The following EFCAB6 variants were observed in gnomAD, a reference collection of about 807,000 sequenced individuals.
EFCAB6 encodes EF-hand calcium-binding domain-containing protein 6.
EFCAB6 carries 156 observed loss-of-function variants against 169.8 expected under a neutral mutation model. The observed-to-expected ratio is 0.92, with a 90% CI of 0.81 to 1.05. The LOEUF is 1.05. Among genes scored for constraint, EFCAB6 ranks in the 50% least tolerant of loss-of-function variants. EFCAB6 has a pLI of 0.00. For missense variants in EFCAB6, 1,800 were observed against 1,829.1 expected (o/e 0.98, Z 0.29); for synonymous variants, 698 against 676.4 (o/e 1.03, Z -0.50).
chr22:43,575,358 G>GTTTT (rs34543550), intron 26 of EFCAB6, among the ~76,000 whole-genome samples: 5 of 104,834 alleles, frequency 4.8e-5, no homozygotes, highest in Admixed American at 1.1e-4. Context: ...ATCCGGCTAT[G>GTTTT]TTTTTTTTTT....
At chr22:43,718,024 T>A (rs1274820647) in intron 8 of EFCAB6, among the ~76,000 whole-genome samples, 1 of 146,982 alleles carries the variant, frequency 6.8e-6, no homozygotes, top group Non-Finnish European at 1.5e-5. Flanking sequence ...TTTTAACACT[T>A]ATTTTGTATA....
intron 2 of EFCAB6, among the ~76,000 whole-genome samples, chr22:43,784,062 T>C (rs1330150726): frequency 7.9e-5 from 12 of 152,074 alleles, no homozygotes. Context: ...GAGAAAACTC[T>C]GTCTCAAAAT....
intron 9 of EFCAB6, among the ~76,000 whole-genome samples, chr22:43,716,513 C>A (rs1182836257): frequency 6.6e-6 from 1 of 152,122 alleles, no homozygotes; most frequent in African/African-American, 2.4e-5. Context: ...AATACTAAAT[C>A]TTCCAATCCA....
intron 8 of EFCAB6, among the ~76,000 whole-genome samples, chr22:43,719,884 G>C (rs1472536696): frequency 1.2e-4 from 18 of 152,106 alleles, no homozygotes; most frequent in African/African-American, 3.9e-4. Flanking sequence ...ATCAGAGTCT[G>C]AAAACTCAGA....
chr22:43,670,593 A>C (rs2057447611), intron 15 of EFCAB6, among the ~76,000 whole-genome samples: 1 of 152,230 alleles, frequency 6.6e-6, no homozygotes, highest in Admixed American at 6.5e-5. Flanking sequence ...GCTGAGCATG[A>C]GCTCTGAAGC....
chr22:43,599,990 T>C, intron 23 of EFCAB6, 79 bp downstream of exon 23: 1 of 1,445,252 alleles, frequency 6.9e-7, no homozygotes, highest in Non-Finnish European at 9.3e-7. Context: ...GAAGGTACCA[T>C]TTTAAAATAA....
At chr22:43,659,253 A>G (rs984261826) in intron 17 of EFCAB6, among the ~76,000 whole-genome samples, 5 of 152,206 alleles carry the variant, frequency 3.3e-5, no homozygotes, top group Non-Finnish European at 4.4e-5. Context: ...GATGTGATAC[A>G]TAACAAAGAG....
chr22:43,580,614 G>C lies in EFCAB6; in HGVS notation c.3078C>G (p.Phe1026Leu). Residue 1026 changes from phenylalanine to leucine, a missense_variant, in exon 25 of 32, where the codon TTC becomes TTG. By Grantham distance (22) the Phe-to-Leu change is conservative (BLOSUM62 0). Transcript: ENST00000262726. The part of the protein sequence containing the change: ...RHDNAINYLD[F>L]LRAVENSKST... ...ACTTGCTGTTCTCCACTGCTCTCAGGAAGTCGAGGTAATTGATAGCATTAT... is the reference window on the plus strand; with the variant it reads ...ACTTGCTGTTCTCCACTGCTCTCAGCAAGTCGAGGTAATTGATAGCATTAT... 6.2e-7 allele frequency: 1 copy of C among 1,614,088 alleles called. No homozygotes were observed.
chr22:43,701,182 G>A (rs1215349282), intron 10 of EFCAB6, among the ~76,000 whole-genome samples: 1 of 152,138 alleles, frequency 6.6e-6, no homozygotes, highest in African/African-American at 2.4e-5. Context: ...GCTTGAGAGG[G>A]TAGCAAAAGA....
chr22:43,622,361 T>A (rs1351583034), intron 20 of EFCAB6, among the ~76,000 whole-genome samples: 2 of 152,174 alleles, frequency 1.3e-5, no homozygotes, highest in Admixed American at 6.5e-5. Flanking sequence ...GGTCAGGAGT[T>A]CGATACCAGC....
At position 43,799,906 on chromosome 22, in the gene EFCAB6, A is replaced by G. The variant is rs1452763169; in HGVS notation, c.-8+9089T>C. Among the ~76,000 whole-genome samples the G allele has an allele frequency of 3.3e-5, 5 of 152,218 alleles. 1 individual carries two copies. In the South Asian group the frequency reaches 8.3e-4, roughly 25 times the overall value. Reference sequence around the variant, plus strand: ...TTTTCCCCCAATTCACTGTTTCTACACTGGGAAAAGTGAGATTGAGGTGGA... The same window carrying G: ...TTTTCCCCCAATTCACTGTTTCTACGCTGGGAAAAGTGAGATTGAGGTGGA... On this transcript the variant is annotated intron_variant, in intron 2 of 31. Transcript: ENST00000262726.
At chr22:43,783,506 T>G (rs944397615) in intron 2 of EFCAB6, among the ~76,000 whole-genome samples, 8 of 152,256 alleles carry the variant, frequency 5.3e-5, no homozygotes, top group South Asian at 2.1e-4. Flanking sequence ...AGCTAAGTGT[T>G]GAAGGAATGC....
intron 23 of EFCAB6, among the ~76,000 whole-genome samples, chr22:43,592,916 G>T (rs1043925521): frequency 6.6e-6 from 1 of 152,184 alleles, no homozygotes; most frequent in East Asian, 1.9e-4. Context: ...AAGAAAAAAA[G>T]ATTTTTCTTA....
At chr22:43,721,578 A>G (rs141801759) in intron 8 of EFCAB6, among the ~76,000 whole-genome samples, 1 of 152,326 alleles carries the variant, frequency 6.6e-6, no homozygotes, top group Admixed American at 6.5e-5. Flanking sequence ...TAGGAAACTC[A>G]GAAATAAAGC....
At chr22:43,616,385 G>A (rs986548719) in intron 20 of EFCAB6, among the ~76,000 whole-genome samples, 2 of 152,192 alleles carry the variant, frequency 1.3e-5, no homozygotes, top group Non-Finnish European at 2.9e-5. Context: ...AGATAGGGCC[G>A]GGTGCAGTGG....
At chr22:43,758,699 T>C (rs771163861) in intron 5 of EFCAB6, among the ~76,000 whole-genome samples, 12 of 152,242 alleles carry the variant, frequency 7.9e-5, no homozygotes, top group Non-Finnish European at 1.6e-4. Flanking sequence ...TCATCTAGGA[T>C]TACTTTCCTT....
At chr22:43,594,291 A>AAG (rs1226857879) in intron 23 of EFCAB6, among the ~76,000 whole-genome samples, 4 of 150,870 alleles carry the variant, frequency 2.7e-5, no homozygotes, top group Non-Finnish European at 5.9e-5. Flanking sequence ...AAAAAAAAAA[A>AAG]AAAAAAAGAA....
chr22:43,564,069 G>C (rs1414524303), intron 26 of EFCAB6, among the ~76,000 whole-genome samples: 26 of 152,198 alleles, frequency 1.7e-4, no homozygotes, highest in Admixed American at 1.7e-3. Flanking sequence ...GAGAAATGGG[G>C]ATAACCACAC....
intron 22 of EFCAB6, among the ~76,000 whole-genome samples, chr22:43,605,077 G>T (rs1332291597): frequency 6.6e-6 from 1 of 152,180 alleles, no homozygotes; most frequent in Non-Finnish European, 1.5e-5. Flanking sequence ...CCAAGGAGGT[G>T]CCTCCCATGT....
Sources: gnomAD v4.1 joint callset for allele counts (sites outside exome capture counted in the v4.1 genomes callset) on GRCh38, gnomAD v4.1.1 for gene constraint, MANE v1.5 for transcripts, NCBI Gene and HGNC (gene_info 2026-07-23, HGNC 2026-07-21) for gene names.